Variants in TUBA3C observed in about 807,000 individuals in gnomAD.
TUBA3C encodes tubulin alpha-3C chain.
Under a neutral mutation model 33.4 loss-of-function variants are expected in TUBA3C, and 23 were observed. The observed-to-expected ratio is 0.69, with a 90% CI of 0.50 to 0.98. The LOEUF is 0.98. Among genes scored for constraint, TUBA3C ranks in the 50% least tolerant of loss-of-function variants. The pLI, the probability that TUBA3C is intolerant of heterozygous loss-of-function variation, is 0.00. For missense variants in TUBA3C, 402 were observed against 616.0 expected (o/e 0.65, Z 3.68); for synonymous variants, 269 against 250.4 (o/e 1.07, Z -0.70).
At chr13:19,179,266 A>G in intron 2 of TUBA3C, 75 bp downstream of exon 2, 1 of 1,583,680 alleles carries the variant, frequency 6.3e-7, no homozygotes, top group Non-Finnish European at 8.6e-7. Flanking sequence ...GATTCAAAGG[A>G]GCCCACATGG....
intron 3 of TUBA3C, 126 bp downstream of exon 3, chr13:19,178,120 A>T: frequency 6.9e-7 from 1 of 1,444,028 alleles, no homozygotes; most frequent in Non-Finnish European, 9.4e-7. Context: ...TGTTGGGATT[A>T]CAGGCGTGAG....
chr13:19,175,230 C>T (rs897396303), intron 4 of TUBA3C, among the ~76,000 whole-genome samples: 23 of 152,096 alleles, frequency 1.5e-4, no homozygotes, highest in African/African-American at 5.3e-4. Context: ...CCAGCCTGGG[C>T]GACACAGCAA....
intron 4 of TUBA3C, among the ~76,000 whole-genome samples, chr13:19,176,285 G>T (rs1451185270): frequency 2.0e-5 from 3 of 152,002 alleles, no homozygotes; most frequent in Admixed American, 1.3e-4. Flanking sequence ...GTGTAGTGGT[G>T]CATGTCTGTG....
intron 4 of TUBA3C, among the ~76,000 whole-genome samples, 192 bp downstream of exon 4, chr13:19,176,725 CAAAAAAAAAA>C (rs55746544): frequency 0.07 from 2,415 of 34,510 alleles, 28 homozygotes; most frequent in Non-Finnish European, 0.12. Flanking sequence ...GACTCTGCCT[CAAAAAAAAAA>C]AAAAAAAAAA....
At position 19,177,758 on chromosome 13, in the gene TUBA3C, C is replaced by G. The variant is rs577131190; in HGVS notation, c.376-151G>C. 9.2e-6 allele frequency: 10 copies of G among 1,089,368 alleles called. No homozygotes were observed. The African/African-American group carries it at 1.6e-4, about 17-fold the overall frequency. The allele number at this position is 1,089,368 out of a possible 1,614,324, so 67.5% of individuals were successfully genotyped here. ...CAGTACACTCTGAAGCAAAGAAAAG[C>G]AGACAAAGATCTACAGACAAATCAC... On this transcript the variant is annotated intron_variant, in intron 3 of 4. Coordinates refer to ENST00000400113, the MANE Select transcript of TUBA3C (RefSeq NM_006001.3). This position sits in a 1 kb window ranked among gnomAD's most constrained non-coding sequence, Gnocchi z 5.0.
intron 1 of TUBA3C, among the ~76,000 whole-genome samples, chr13:19,180,950 T>A (rs964542186): frequency 1.4e-5 from 2 of 146,980 alleles, no homozygotes; most frequent in Non-Finnish European, 3.0e-5. Flanking sequence ...AGAGCTGTTG[T>A]TGAGCCGTTT....
chr13:19,178,111 G>T, intron 3 of TUBA3C, 135 bp downstream of exon 3: 1 of 1,389,062 alleles, frequency 7.2e-7, no homozygotes, highest in Non-Finnish European at 9.8e-7. Flanking sequence ...CTCCCAAAGT[G>T]TTGGGATTAC....
chr13:19,176,084 C>T (rs1869169557), intron 4 of TUBA3C, among the ~76,000 whole-genome samples: 1 of 152,194 alleles, frequency 6.6e-6, no homozygotes, highest in African/African-American at 2.4e-5. Flanking sequence ...CACCACACTG[C>T]ACTCCAGCCT....
rs772875676 is a variant in TUBA3C, at chr13:19,177,227, C to G, written c.756G>C (p.Leu252Phe). Residue 252 changes from leucine (L) to phenylalanine (F), a missense_variant, in exon 4 of 5, where the codon TTG becomes TTC. Leu to Phe is a conservative substitution (Grantham distance 22, BLOSUM62 0). Transcript: ENST00000400113. This position sits in a 1 kb window ranked among gnomAD's most constrained non-coding sequence, Gnocchi z 5.0. ...GCACTAGGTTGGTCTGGAATTCCGT[C>G]AAGTCCACATTCAGGGCCCCGTCAA... ...LRFDGALNVD[L>F]TEFQTNLVPY... 5.0e-6 allele frequency: 8 copies of G among 1,614,004 alleles called. No homozygotes were observed. Among genetic ancestry groups the G allele is most frequent in the Non-Finnish European group, 6.8e-6 (8 of 1,180,032 alleles).
At chr13:19,179,699 G>A (rs1869335034) in intron 1 of TUBA3C, 136 bp from the exon 2 acceptor site, 1 of 1,298,950 alleles carries the variant, frequency 7.7e-7, no homozygotes, top group African/African-American at 1.5e-5. Flanking sequence ...TTCCTAGGAG[G>A]GTTAGGTGAC....
rs200312206 is a variant in TUBA3C, at chr13:19,181,761, G to C, written c.-14C>G. 4.4e-6 allele frequency: 7 copies of C among 1,602,312 alleles called. No individual in the cohort carries two copies. The South Asian group carries it at 4.4e-5, about 10-fold the overall frequency. ...TGGCCTTACCATGTTGAGCTCCTCC[G>C]CTGCCGCAGCCCAACGCTACTACTT... On this transcript the variant is annotated 5_prime_UTR_variant, in exon 1 of 5. Coordinates refer to ENST00000400113, the MANE Select transcript of TUBA3C (RefSeq NM_006001.3).
Position 19,177,655 on chromosome 13 carries a change from A to G in TUBA3C, c.376-48T>C. ...AATCAATGCCCGTGGAAGCCACACC[A>G]CCAACCTCCACCAAGCCAGGGCCAC... On this transcript the variant is annotated intron_variant, in intron 3 of 4. Coordinates refer to ENST00000400113, the MANE Select transcript of TUBA3C (RefSeq NM_006001.3). This position sits in a 1 kb window ranked among gnomAD's most constrained non-coding sequence, Gnocchi z 5.0. 6.6e-7 allele frequency: 1 copy of G among 1,525,112 alleles called. No individual in the cohort carries two copies. The allele number at this position is 1,525,112 out of a possible 1,614,324, so 94.5% of individuals were successfully genotyped here.
intron 1 of TUBA3C, among the ~76,000 whole-genome samples, chr13:19,181,464 T>C (rs1869414793): frequency 1.3e-5 from 2 of 152,132 alleles, no homozygotes; most frequent in African/African-American, 4.8e-5. Flanking sequence ...GCGGCACCAC[T>C]GTTTGCTCTC....
At position 19,179,414 on chromosome 13, in the gene TUBA3C, C is replaced by T. The variant is rs36215076; in HGVS notation, c.153G>A (p.Thr51=). 0.055 allele frequency: 88,397 copies of T among 1,613,956 alleles called. 2,835 individuals carry two copies. The highest frequency in any genetic ancestry group is 0.07 in the Middle Eastern group (424 of 6,054). ...TGCCAGCTCCAGTCTCACTGAAGAA[C>T]GTGTTGAAGGAGTCGTCCCCACCAC... ...TIGGGDDSFN[T]FFSETGAGKH... Residue 51 remains threonine (T), a synonymous_variant, in exon 2 of 5, where the codon ACG becomes ACA. Transcript: ENST00000400113.
chr13:19,180,720 C>T (rs1033939629), intron 1 of TUBA3C, among the ~76,000 whole-genome samples: 10 of 152,162 alleles, frequency 6.6e-5, no homozygotes, highest in East Asian at 2.0e-4. Context: ...TGGTCTCGAT[C>T]TCCTGACCTT....
intron 1 of TUBA3C, among the ~76,000 whole-genome samples, chr13:19,179,940 G>C (rs979476002): frequency 3.9e-5 from 6 of 152,178 alleles, no homozygotes; most frequent in Admixed American, 3.3e-4. Context: ...AGGTAATGGG[G>C]TTGGGTAAGG....
Position 19,177,691 on chromosome 13 carries a change from C to T in TUBA3C, c.376-84G>A. The T allele has an allele frequency of 1.3e-6, 2 of 1,483,568 alleles. No individual in the cohort carries two copies. Among genetic ancestry groups the T allele is most frequent in the Non-Finnish European group, 1.8e-6 (2 of 1,108,966 alleles). The allele number at this position is 1,483,568 out of a possible 1,614,324, so 91.9% of individuals were successfully genotyped here. The stretch of plus-strand genomic sequence containing the variant: ...CCAAGCCAGGGCCACTTCTCTGCCT[C>T]TGAAGACTTGATATGGATTCCAATC... On this transcript the variant is annotated intron_variant, in intron 3 of 4. Coordinates refer to ENST00000400113, the MANE Select transcript of TUBA3C (RefSeq NM_006001.3). The surrounding 1 kb of genome is among the most constrained non-coding windows in gnomAD (Gnocchi z 5.0).
intron 4 of TUBA3C, among the ~76,000 whole-genome samples, chr13:19,175,075 G>C (rs533689471): frequency 4.6e-5 from 7 of 151,996 alleles, no homozygotes; most frequent in African/African-American, 1.4e-4. Context: ...GGTGAAACCC[G>C]GTCTCTACTA....
Position 19,177,509 on chromosome 13 carries a change from T to C in TUBA3C, c.474A>G (p.Ser158=). ...GCTTGGACTTCTTGCCGTAATCCACTGAGAGCCGCTCCATGAGCAGAGATG... is the reference window on the plus strand; with the variant it reads ...GCTTGGACTTCTTGCCGTAATCCACCGAGAGCCGCTCCATGAGCAGAGATG... ...GFASLLMERL[S]VDYGKKSKLE... is the part of the protein sequence containing the mutation. Residue 158 remains serine (S), a synonymous_variant, in exon 4 of 5, where the codon TCA becomes TCG. Transcript: ENST00000400113. The surrounding 1 kb of genome is among the most constrained non-coding windows in gnomAD (Gnocchi z 5.0). 1 of 1,613,982 alleles carries C rather than the reference T, an allele frequency of 6.2e-7. No individual in the cohort carries two copies. The highest frequency in any genetic ancestry group is 1.3e-5 in the African/African-American group (1 of 74,970).
Sources: gnomAD v4.1 joint callset for allele counts (sites outside exome capture counted in the v4.1 genomes callset) on GRCh38, gnomAD v4.1.1 for gene constraint, Gnocchi (gnomAD v3.1) non-coding constraint, MANE v1.5 for transcripts, NCBI Gene and HGNC (gene_info 2026-07-23, HGNC 2026-07-21) for gene names.